Variants in LSAMP observed in about 807,000 individuals in gnomAD.
LSAMP encodes limbic system-associated membrane protein.
LSAMP carries 7 observed loss-of-function variants against 38.6 expected under a neutral mutation model. The observed-to-expected ratio is 0.18, with a 90% CI of 0.10 to 0.34. The LOEUF (loss-of-function observed/expected upper bound fraction) is 0.34. LSAMP is among the 10% of genes least tolerant of loss of function. The pLI is 1.00. For synonymous variants in LSAMP, 154 were observed against 166.8 expected (o/e 0.92, Z 0.59); for missense variants, 313 against 420.0 (o/e 0.75, Z 2.23).
At chr3:116,273,304 C>G (rs951181339) in intron 1 of LSAMP, among the ~76,000 whole-genome samples, 1 of 152,006 alleles carries the variant, frequency 6.6e-6, no homozygotes, top group African/African-American at 2.4e-5. Flanking sequence ...TGACCAGCCA[C>G]ACTCTACCTA....
chr3:116,158,970 T>A (rs1319112297), intron 1 of LSAMP, among the ~76,000 whole-genome samples: 2 of 152,022 alleles, frequency 1.3e-5, no homozygotes, highest in Non-Finnish European at 2.9e-5. Context: ...GGAGGCATCA[T>A]GTGATCTTCG....
chr3:116,198,778 A>AAAAAAAAAAAAAG (rs1323795880), intron 1 of LSAMP, among the ~76,000 whole-genome samples: 1 of 145,906 alleles, frequency 6.9e-6, no homozygotes, highest in Admixed American at 6.7e-5. Flanking sequence ...CTCAGAAAAA[A>AAAAAAAAAAAAAG]AAAGAAAATC....
intron 1 of LSAMP, among the ~76,000 whole-genome samples, chr3:116,116,611 G>A (rs1708755878): frequency 6.6e-6 from 1 of 151,654 alleles, no homozygotes; most frequent in Admixed American, 6.6e-5. Context: ...CAGCTACTCA[G>A]GAGGCTGAGG....
At chr3:116,219,688 GATTGGAAGAAAAT>G (rs1336491181) in intron 1 of LSAMP, among the ~76,000 whole-genome samples, 1 of 152,068 alleles carries the variant, frequency 6.6e-6, no homozygotes, top group Non-Finnish European at 1.5e-5. Flanking sequence ...GCGACCTATG[GATTGGAAGAAAAT>G]ATTTGTAAAC....
intron 1 of LSAMP, among the ~76,000 whole-genome samples, chr3:116,223,451 T>C (rs1290205882): frequency 2.6e-5 from 4 of 152,222 alleles, no homozygotes; most frequent in Non-Finnish European, 5.9e-5. Context: ...ATAAATTTAA[T>C]GTGGCTTATC....
At chr3:116,256,490 AT>A (rs1403549370) in intron 1 of LSAMP, among the ~76,000 whole-genome samples, 1 of 152,200 alleles carries the variant, frequency 6.6e-6, no homozygotes, top group Non-Finnish European at 1.5e-5. Flanking sequence ...CTTGAGTAAA[AT>A]TGAAGAATTG....
In LSAMP at chr3:115,855,769, TC is replaced by T. The variant is rs1430510147; in HGVS notation, c.515-3153del. Among the ~76,000 whole-genome samples the T allele has an allele frequency of 2.0e-5, 3 of 152,214 alleles. No homozygotes were observed. The East Asian group carries it at 5.8e-4, about 29-fold the overall frequency. On this transcript the variant is annotated intron_variant, in intron 3 of 6. Coordinates refer to ENST00000490035, the MANE Select transcript of LSAMP (RefSeq NM_002338.5). ...TGACTGGCTGCTCTCAACCCAAGGG[TC>T]CTGCCAATATTTCCTTTTATTCTCT...
intron 1 of LSAMP, among the ~76,000 whole-genome samples, chr3:116,333,851 C>A (rs1477528959): frequency 6.7e-6 from 1 of 149,700 alleles, no homozygotes. Context: ...TAAAAAAAGA[C>A]AAATTAAATC....
chr3:116,193,597 A>G (rs962525549), intron 1 of LSAMP, among the ~76,000 whole-genome samples: 4 of 152,256 alleles, frequency 2.6e-5, no homozygotes. Context: ...GCAGTAAGCC[A>G]GACATTGTGC....
chr3:115,844,069 C>T (rs1261014171), intron 4 of LSAMP, among the ~76,000 whole-genome samples: 3 of 152,010 alleles, frequency 2.0e-5, no homozygotes, highest in Non-Finnish European at 2.9e-5. Context: ...TCTCATCATA[C>T]GTTTTCTTTC....
intron 1 of LSAMP, among the ~76,000 whole-genome samples, chr3:116,374,622 C>A (rs567943505): frequency 6.6e-6 from 1 of 151,858 alleles, no homozygotes; most frequent in Non-Finnish European, 1.5e-5. Flanking sequence ...CTGAATTGTA[C>A]AGAATTTCAA....
intron 3 of LSAMP, among the ~76,000 whole-genome samples, chr3:115,915,972 A>G (rs1457843108): frequency 1.3e-5 from 2 of 152,238 alleles, no homozygotes; most frequent in South Asian, 4.1e-4. Flanking sequence ...TGCTTAACAT[A>G]TAAGTTACCA....
At chr3:116,221,844 AGTGTGTGTGTGTGTGT>A (rs58596077) in intron 1 of LSAMP, among the ~76,000 whole-genome samples, 2 of 145,480 alleles carry the variant, frequency 1.4e-5, no homozygotes, top group South Asian at 2.3e-4. Context: ...CCTAAAAAGA[AGTGTGTGTGTGTGTGT>A]GTGTGTGTGT....
chr3:116,021,799 ATC>A (rs1420964896), intron 2 of LSAMP, among the ~76,000 whole-genome samples: 1 of 151,720 alleles, frequency 6.6e-6, no homozygotes, highest in African/African-American at 2.4e-5. Flanking sequence ...TTGACTCACA[ATC>A]TCTCTCTCTC....
intron 1 of LSAMP, among the ~76,000 whole-genome samples, chr3:116,138,727 T>C (rs2107512206): frequency 6.6e-6 from 1 of 152,130 alleles, no homozygotes; most frequent in East Asian, 1.9e-4. Context: ...ATCAATATGT[T>C]CTTATTTTCT....
intron 1 of LSAMP, among the ~76,000 whole-genome samples, chr3:116,255,733 G>A (rs928922514): frequency 3.3e-5 from 5 of 152,166 alleles, no homozygotes; most frequent in African/African-American, 1.2e-4. Context: ...GAGGGGAAGG[G>A]CTGAGCTTCT....
At chr3:115,906,811 C>T (rs1424094161) in intron 3 of LSAMP, among the ~76,000 whole-genome samples, 2 of 152,064 alleles carry the variant, frequency 1.3e-5, no homozygotes, top group Non-Finnish European at 2.9e-5. Context: ...AGATGTGGTC[C>T]ACTAAGCAGG....
chr3:116,256,132 G>A (rs1026949670), intron 1 of LSAMP, among the ~76,000 whole-genome samples: 3 of 152,130 alleles, frequency 2.0e-5, no homozygotes, highest in South Asian at 2.1e-4. Flanking sequence ...TTTTATCAGC[G>A]ATTAGCAAAA....
chr3:116,415,842 T>G (rs1576207052), intron 1 of LSAMP, among the ~76,000 whole-genome samples: 2 of 151,908 alleles, frequency 1.3e-5, no homozygotes, highest in Admixed American at 1.3e-4. Flanking sequence ...ATACAAGGGG[T>G]GAGAAGCTGC....
Sources: gnomAD v4.1 joint callset for allele counts (sites outside exome capture counted in the v4.1 genomes callset) on GRCh38, gnomAD v4.1.1 for gene constraint, MANE v1.5 for transcripts, NCBI Gene and HGNC (gene_info 2026-07-23, HGNC 2026-07-21) for gene names.